The following SLC39A10 variants were observed in gnomAD, a reference collection of about 807,000 sequenced individuals.
SLC39A10 encodes solute carrier family 39 member 10.
A neutral mutation model predicts 65.1 loss-of-function variants in SLC39A10; 13 were observed. The observed-to-expected ratio is 0.20, with a 90% CI of 0.13 to 0.32. SLC39A10 has a LOEUF of 0.32. Ranked by LOEUF, SLC39A10 falls within the 10% of genes least tolerant of loss-of-function variation. The probability of loss-of-function intolerance (pLI) is 1.00; values close to 1 mark genes in which losing one functional copy is unlikely to be tolerated. For missense variants in SLC39A10, 831 were observed against 1,018.4 expected, an observed-to-expected ratio of 0.82 and a Z score of 2.50; for synonymous variants, 321 against 342.2, an observed-to-expected ratio of 0.94 and a Z score of 0.68.
chr2:195,724,766 A>C (rs1692175442), intron 8 of SLC39A10, among the ~76,000 whole-genome samples: 1 of 151,816 alleles, frequency 6.6e-6, no homozygotes, highest in South Asian at 2.1e-4. Flanking sequence ...CTCAGTAAAA[A>C]ATCCAGCAGG....
chr2:195,667,928 T>A (rs1689698459), intron 1 of SLC39A10, among the ~76,000 whole-genome samples: 2 of 152,220 alleles, frequency 1.3e-5, no homozygotes, highest in African/African-American at 4.8e-5. Flanking sequence ...CAAAAATATG[T>A]ACGTAATTTT....
At chr2:195,641,881 G>A (rs567677519) in intron 2 of SLC39A10, among the ~76,000 whole-genome samples, 7 of 151,908 alleles carry the variant, frequency 4.6e-5, no homozygotes, top group Non-Finnish European at 8.8e-5. Context: ...TAGTAGAGAC[G>A]GGTTTTCACC....
chr2:195,680,028 T>C lies in SLC39A10; in HGVS notation c.-11-4T>C, dbSNP rs753107966. ...TACTTGTCTCTCTCTTTAAATCTCT[T>C]TAGGAAAAATAGAAATGAAGGTACA... On this transcript the variant is annotated splice_region_variant and splice_polypyrimidine_tract_variant and intron_variant, in intron 1 of 9. Transcript: ENST00000359634. The C allele has an allele frequency of 6.4e-7, 1 of 1,567,966 alleles. No homozygotes were observed. Among genetic ancestry groups the C allele is most frequent in the South Asian group, 1.2e-5 (1 of 82,420 alleles).
At chr2:195,661,678 T>A (rs1689403164) in intron 1 of SLC39A10, among the ~76,000 whole-genome samples, 1 of 152,214 alleles carries the variant, frequency 6.6e-6, no homozygotes, top group South Asian at 2.1e-4. Flanking sequence ...ACGTAAGGGT[T>A]TTTTTGGATT....
At position 195,716,950 on chromosome 2, in the gene SLC39A10, C is replaced by T. The variant is rs773294272; in HGVS notation, c.2010C>T (p.Ala670=). 8 of 1,614,180 alleles carry T rather than the reference C, an allele frequency of 5.0e-6. No homozygotes were observed. In the Admixed American group the frequency reaches 1.0e-4, roughly 20 times the overall value. The change falls in exon 7 of 10, where the codon GCC becomes GCT. Residue 670 remains alanine, a synonymous_variant. Coordinates refer to ENST00000359634, the MANE Select transcript of SLC39A10 (RefSeq NM_020342.3). ...DLKETGIANI[A]WMVIMGDGIH... Reference sequence around the variant, plus strand: ...AAGAAACAGGAATAGCTAATATAGCCTGGATGGTGATCATGGGGGATGGCA... The same window carrying T: ...AAGAAACAGGAATAGCTAATATAGCTTGGATGGTGATCATGGGGGATGGCA...
chr2:195,632,932 C>T (rs144495874), intron 2 of SLC39A10, among the ~76,000 whole-genome samples: 148 of 152,250 alleles, frequency 9.7e-4, no homozygotes, highest in African/African-American at 3.2e-3. Flanking sequence ...TTGTTATTTT[C>T]CTAAAACCAT....
chr2:195,632,749 T>C lies in SLC39A10; in HGVS notation c.-12+26516T>C, dbSNP rs553874684. On this transcript the variant is annotated intron_variant, in intron 2 of 2. Coordinates refer to the SLC39A10 transcript ENST00000458054. ...TCTGGTGATGAAAAGATAGCACTTA[T>C]TTATTTTGAAACCTCTAAAATAATT... 4.8e-5 allele frequency among the ~76,000 whole-genome samples: 5 copies of C among 105,030 alleles called. No homozygotes were observed. In the East Asian group the frequency reaches 1.4e-3, roughly 29 times the overall value. 68.9% of individuals were successfully genotyped at this position (105,030 alleles called of 152,430 possible).
chr2:195,706,841 AG>A lies in SLC39A10; in HGVS notation c.1386+59del, dbSNP rs1435309094. 23 of 1,288,484 alleles carry A rather than the reference AG, an allele frequency of 1.8e-5. No individual in the cohort carries two copies. The African/African-American group carries it at 1.9e-4, about 10-fold the overall frequency. 79.8% of individuals were successfully genotyped at this position (1,288,484 alleles called of 1,614,324 possible). A position where few individuals can be genotyped will look rare whatever the true frequency, so the allele number is the denominator to read the frequency against. ...TTAAAATAAAAATATTTAAGCTGAA[AG>A]GGTCCTTCATTAGCAAGCTATAGCA... On this transcript the variant is annotated intron_variant, in intron 4 of 9. Transcript: ENST00000359634.
chr2:195,714,015 C>T (rs1331354631), intron 6 of SLC39A10, among the ~76,000 whole-genome samples: 5 of 152,068 alleles, frequency 3.3e-5, no homozygotes, highest in Admixed American at 6.5e-5. Flanking sequence ...CAAGCTCCGC[C>T]TCCCGGGTTC....
chr2:195,714,796 A>G (rs1296090871), intron 6 of SLC39A10, among the ~76,000 whole-genome samples: 1 of 152,094 alleles, frequency 6.6e-6, no homozygotes, highest in East Asian at 1.9e-4. Context: ...TTTGTCACCC[A>G]GGCTGGAGTG....
intron 3 of SLC39A10, among the ~76,000 whole-genome samples, 190 bp downstream of exon 3, chr2:195,684,096 T>A (rs1690434022): frequency 6.6e-6 from 1 of 152,018 alleles, no homozygotes; most frequent in South Asian, 2.1e-4. Context: ...ATGTGTTTTA[T>A]TTATCTCTTC....
chr2:195,719,149 G>A lies in SLC39A10; in HGVS notation c.2146+817G>A, dbSNP rs772274774. On this transcript the variant is annotated intron_variant, in intron 8 of 9. Transcript: ENST00000359634. ...TTGGACTTCATTCTTTTTTTTTTTC[G>A]AATGCATTTCCCATTTGCCCTTAGA... Among the ~76,000 whole-genome samples the A allele has an allele frequency of 2.2e-5, 3 of 138,588 alleles. 1 individual carries two copies. The highest frequency in any genetic ancestry group is 8.1e-5 in the African/African-American group (3 of 36,910). The allele number at this position is 138,588 out of a possible 152,430, so 90.9% of individuals were successfully genotyped here.
At chr2:195,732,062 T>C (rs750053622) in intron 9 of SLC39A10, among the ~76,000 whole-genome samples, 2 of 152,148 alleles carry the variant, frequency 1.3e-5, no homozygotes, top group Non-Finnish European at 2.9e-5. Context: ...ACCCAGAAAT[T>C]GGGTATTTTC....
At position 195,713,565 on chromosome 2, in the gene SLC39A10, T is replaced by C. The variant is rs1180517313; in HGVS notation, c.1696+12T>C. The C allele has an allele frequency of 9.0e-6, 14 of 1,548,294 alleles. No homozygotes were observed. In the Admixed American group the frequency reaches 3.5e-4, roughly 38 times the overall value. On this transcript the variant is annotated intron_variant, in intron 6 of 9. Transcript: ENST00000359634. ...CAAGCCTCTTGCCGGTAGACAGCAA[T>C]TCTGACTCAAGACAAACTTTTTTCT...
At chr2:195,663,361 T>C (rs1689481615) in intron 1 of SLC39A10, among the ~76,000 whole-genome samples, 1 of 152,198 alleles carries the variant, frequency 6.6e-6, no homozygotes, top group Non-Finnish European at 1.5e-5. Flanking sequence ...TGAAGAAATA[T>C]ACTTTGCACT....
At position 195,685,078 on chromosome 2, in the gene SLC39A10, T is replaced by C. The variant is rs8179873; in HGVS notation, c.1216+1172T>C. Among the ~76,000 whole-genome samples the C allele has an allele frequency of 0.019, 2,902 of 152,220 alleles. 233 individuals are homozygous for C. The East Asian group carries it at 0.26, about 14-fold the overall frequency. On this transcript the variant is annotated intron_variant, in intron 3 of 9. Transcript: ENST00000359634. ...GTCCTGTAACCATTTTGCTATCTTA[T>C]GTGTTGTTTTAAATGCATTTTTTTT...
At chr2:195,683,646 A>T in intron 2 of SLC39A10, 53 bp from the exon 3 acceptor site, 4 of 1,395,746 alleles carry the variant, frequency 2.9e-6, no homozygotes, top group Admixed American at 1.9e-5. Context: ...ATTTTTTTGC[A>T]TAATCTCCTT....
chr2:195,674,685 G>A, intron 1 of SLC39A10: 1 of 970,880 alleles, frequency 1.0e-6, no homozygotes, highest in Non-Finnish European at 1.2e-6. Flanking sequence ...TGCTGAGTAT[G>A]TTCTGAGGTG....
At chr2:195,701,460 T>TTTTTTC (rs1691188601) in intron 3 of SLC39A10, among the ~76,000 whole-genome samples, 1 of 79,298 alleles carries the variant, frequency 1.3e-5, no homozygotes, top group Non-Finnish European at 2.7e-5. Context: ...TTTTTTTTTT[T>TTTTTTC]AATGTGCCTT....
Sources: gnomAD v4.1 joint callset for allele counts (sites outside exome capture counted in the v4.1 genomes callset) on GRCh38, gnomAD v4.1.1 for gene constraint, MANE v1.5 for transcripts, NCBI Gene and HGNC (gene_info 2026-07-23, HGNC 2026-07-21) for gene names.